The following ZNF516 variants were observed in gnomAD, a reference collection of about 807,000 sequenced individuals.
The protein encoded by ZNF516 is zinc finger protein 516.
ZNF516 carries 19 observed loss-of-function variants against 79.7 expected under a neutral mutation model. The ratio of observed to expected loss-of-function variants is 0.24; its 90% CI spans 0.17 to 0.35. The LOEUF (loss-of-function observed/expected upper bound fraction) is 0.35, where lower values mean the gene tolerates loss of function less well. Ranked by LOEUF, ZNF516 falls within the 10% of genes least tolerant of loss-of-function variation. The pLI is 1.00. For missense variants in ZNF516, 1,678 were observed against 1,679.5 expected (o/e 1.00, Z 0.02); for synonymous variants, 877 against 739.5 (o/e 1.19, Z -3.02).
chr18:76,411,274 A>G (rs921577226), intron 3 of ZNF516, among the ~76,000 whole-genome samples: 16 of 152,304 alleles, frequency 1.1e-4, no homozygotes, highest in African/African-American at 3.8e-4. Context: ...ACCTTTCGCA[A>G]TACCCCAGAG....
At chr18:76,444,928 C>T (rs1911950383) in intron 2 of ZNF516, among the ~76,000 whole-genome samples, 1 of 152,176 alleles carries the variant, frequency 6.6e-6, no homozygotes, top group African/African-American at 2.4e-5. Flanking sequence ...TCCAGAAAGC[C>T]CCGCTTTGGA....
At chr18:76,436,928 C>T (rs965478882) in intron 3 of ZNF516, among the ~76,000 whole-genome samples, 6 of 152,068 alleles carry the variant, frequency 3.9e-5, no homozygotes, top group African/African-American at 7.2e-5. Flanking sequence ...AAATTAGCCA[C>T]GTGTGGTGAC....
chr18:76,427,425 C>T (rs2075610065), intron 3 of ZNF516, among the ~76,000 whole-genome samples: 1 of 152,206 alleles, frequency 6.6e-6, no homozygotes, highest in South Asian at 2.1e-4. Flanking sequence ...ATTCACTCAA[C>T]TGACTGTTGA....
At chr18:76,402,022 C>A (rs1005740247) in intron 3 of ZNF516, among the ~76,000 whole-genome samples, 1 of 151,960 alleles carries the variant, frequency 6.6e-6, no homozygotes, top group African/African-American at 2.4e-5. Flanking sequence ...TGTGTGTACA[C>A]GTGCGCGCAT....
At position 76,379,673 on chromosome 18, in the gene ZNF516, C is replaced by A; in HGVS notation, c.2441G>T (p.Gly814Val). 1 of 1,613,618 alleles carries A rather than the reference C, an allele frequency of 6.2e-7. No homozygotes were observed. Among genetic ancestry groups the A allele is most frequent in the Non-Finnish European group, 8.5e-7 (1 of 1,179,882 alleles). ...RSNLVFLSRS[G>V]RTGPPPALGG... is the part of the protein sequence containing the mutation. The stretch of plus-strand genomic sequence containing the variant: ...GAGGGCAGGCGGGGGGCCCGTGCGT[C>A]CGCTCCGGGAAAGGAAAACCAAATT... Residue 814 changes from glycine to valine, a missense_variant, in exon 4 of 7, where the codon GGA becomes GTA. This residue lies in a region of ZNF516 where 1,294 missense variants were observed against 1,248.3 expected (regional missense o/e 1.04). Transcript: ENST00000443185.
chr18:76,443,675 TCACA>T (rs1368150199), intron 2 of ZNF516, among the ~76,000 whole-genome samples: 1 of 152,122 alleles, frequency 6.6e-6, no homozygotes, highest in Non-Finnish European at 1.5e-5. Flanking sequence ...TGACGGCACT[TCACA>T]CACACAGTCA....
intron 3 of ZNF516, among the ~76,000 whole-genome samples, chr18:76,419,743 G>A (rs572942105): frequency 6.6e-6 from 1 of 152,296 alleles, no homozygotes; most frequent in East Asian, 1.9e-4. Context: ...CCATGATTGT[G>A]AGGCCTCCCC....
At chr18:76,464,959 A>T (rs1415374851) in intron 1 of ZNF516, among the ~76,000 whole-genome samples, 1 of 152,134 alleles carries the variant, frequency 6.6e-6, no homozygotes, top group African/African-American at 2.4e-5. Context: ...ATGCGACCCC[A>T]GGGATACAGC....
intron 1 of ZNF516, among the ~76,000 whole-genome samples, chr18:76,474,188 G>A (rs1914046422): frequency 6.6e-6 from 1 of 152,166 alleles, no homozygotes; most frequent in Admixed American, 6.5e-5. Context: ...TCGTAAGCAT[G>A]GCAGATTAAG....
chr18:76,490,597 G>A, intron 1 of ZNF516: 1 of 224,650 alleles, frequency 4.5e-6, no homozygotes, highest in Non-Finnish European at 7.4e-6. Flanking sequence ...GCTAGCCACC[G>A]TTGCATCTAC....
chr18:76,413,408 C>A (rs1431177949), intron 3 of ZNF516, among the ~76,000 whole-genome samples: 1 of 152,140 alleles, frequency 6.6e-6, no homozygotes, highest in Non-Finnish European at 1.5e-5. Context: ...CAGCACCACA[C>A]CCAACAGACG....
intron 3 of ZNF516, among the ~76,000 whole-genome samples, chr18:76,436,305 T>A (rs1044640092): frequency 2.6e-5 from 4 of 152,156 alleles, no homozygotes; most frequent in African/African-American, 9.7e-5. Context: ...CGTGTGTGCT[T>A]TCCTTCCCCA....
At chr18:76,407,576 G>A (rs1034082283) in intron 3 of ZNF516, among the ~76,000 whole-genome samples, 1 of 152,154 alleles carries the variant, frequency 6.6e-6, no homozygotes, top group Non-Finnish European at 1.5e-5. Context: ...ACCGCCCTCT[G>A]AACACAAGCC....
intron 1 of ZNF516, chr18:76,492,050 G>A: frequency 1.8e-6 from 1 of 567,182 alleles, no homozygotes; most frequent in Non-Finnish European, 2.2e-6. Context: ...GCGGCCTGGT[G>A]GCCGGGCACA....
At chr18:76,417,601 T>G (rs1185724328) in intron 3 of ZNF516, among the ~76,000 whole-genome samples, 1 of 152,256 alleles carries the variant, frequency 6.6e-6, no homozygotes, top group Non-Finnish European at 1.5e-5. Context: ...GATACTGCTT[T>G]GTTACTGAAA....
intron 3 of ZNF516, among the ~76,000 whole-genome samples, chr18:76,439,824 A>G (rs1183869254): frequency 6.6e-6 from 1 of 152,254 alleles, no homozygotes; most frequent in Admixed American, 6.5e-5. Context: ...AAGTAGACAG[A>G]GTATTACTGG....
chr18:76,442,997 C>T lies in ZNF516; in HGVS notation c.58G>A (p.Ala20Thr). The change falls in exon 3 of 7, where the codon GCC becomes ACC. Residue 20 changes from alanine (A) to threonine (T), a missense_variant. By Grantham distance (58) the Ala-to-Thr change is moderately conservative (BLOSUM62 0). Transcript: ENST00000443185. ...ELRRGPSPTR[A>T]GRGHEVDGDK... ...CCATCCACCTCGTGGCCCCGGCCGG[C>T]CCTGGTGGGGCTGGGGCCTCGCCTC... The T allele has an allele frequency of 2.5e-6, 4 of 1,602,526 alleles. No homozygotes were observed. The highest frequency in any genetic ancestry group is 3.4e-6 in the Non-Finnish European group (4 of 1,179,222).
Position 76,441,607 on chromosome 18 carries a change from C to T in ZNF516, c.1448G>A (p.Gly483Glu). The change falls in exon 3 of 7, where the codon GGG becomes GAG. Residue 483 changes from glycine (G) to glutamate (E), a missense_variant. Coordinates refer to ENST00000443185, the MANE Select transcript of ZNF516 (RefSeq NM_014643.4). ...AQGPPRKRAS[G>E]PGDPAPAGHL... is the part of the protein sequence containing the mutation. ...GCCGGCGGGCGCGGGGTCCCCAGGC[C>T]CGCTCGCGCGCTTCCGCGGGGGCCC... The T allele has an allele frequency of 6.8e-7, 1 of 1,479,590 alleles. No individual in the cohort carries two copies. Among genetic ancestry groups the T allele is most frequent in the Non-Finnish European group, 8.9e-7 (1 of 1,117,412 alleles). The allele number at this position is 1,479,590 out of a possible 1,614,324, so 91.7% of individuals were successfully genotyped here. A position where few individuals can be genotyped will look rare whatever the true frequency, so the allele number is the denominator to read the frequency against.
intron 2 of ZNF516, among the ~76,000 whole-genome samples, chr18:76,446,864 T>C (rs973520969): frequency 9.9e-5 from 15 of 152,158 alleles, no homozygotes; most frequent in Non-Finnish European, 4.4e-5. Flanking sequence ...CTTAAGAACA[T>C]TGTGAAGGGA....
Sources: gnomAD v4.1 joint callset for allele counts (sites outside exome capture counted in the v4.1 genomes callset) on GRCh38, gnomAD v4.1.1 for gene constraint, gnomAD v4.1.1 regional missense constraint, MANE v1.5 for transcripts, NCBI Gene and HGNC (gene_info 2026-07-23, HGNC 2026-07-21) for gene names.